The following LRCH1 variants were observed in gnomAD, a reference collection of about 807,000 sequenced individuals.
LRCH1 encodes leucine-rich repeat and calponin homology domain-containing protein 1.
Under a neutral mutation model 94.9 loss-of-function variants are expected in LRCH1, and 23 were observed. The ratio of observed to expected loss-of-function variants is 0.24; its 90% CI spans 0.17 to 0.34. LRCH1 has a LOEUF of 0.34. Ranked by LOEUF, LRCH1 falls within the 10% of genes least tolerant of loss-of-function variation. LRCH1 has a pLI of 1.00. For missense variants in LRCH1, 790 were observed against 945.9 expected (o/e 0.84, Z 2.16); for synonymous variants, 364 against 354.9 (o/e 1.03, Z -0.29).
intron 17 of LRCH1, among the ~76,000 whole-genome samples, chr13:46,724,565 G>A (rs967901812): frequency 3.9e-5 from 6 of 152,094 alleles, no homozygotes; most frequent in Admixed American, 2.0e-4. Flanking sequence ...ATTTCTTGTC[G>A]TATTTCTTAG....
At chr13:46,711,748 A>G (rs760588468) in intron 13 of LRCH1, 43 bp from the exon 14 acceptor site, 1 of 1,514,650 alleles carries the variant, frequency 6.6e-7, no homozygotes, top group Non-Finnish European at 9.1e-7. Flanking sequence ...CAACAGTTTC[A>G]CAGTCTAATG....
chr13:46,559,759 A>G (rs1398171880), intron 1 of LRCH1, among the ~76,000 whole-genome samples: 1 of 152,228 alleles, frequency 6.6e-6, no homozygotes, highest in Non-Finnish European at 1.5e-5. Flanking sequence ...AGATGACTCT[A>G]CTGGAGAGTT....
At chr13:46,567,014 C>T (rs371289122) in intron 1 of LRCH1, among the ~76,000 whole-genome samples, 1 of 152,230 alleles carries the variant, frequency 6.6e-6, no homozygotes, top group Non-Finnish European at 1.5e-5. Context: ...TATAGACACA[C>T]ATTTGGGTTT....
chr13:46,642,627 C>T lies in LRCH1; in HGVS notation c.308-7574C>T, dbSNP rs1178783005. On this transcript the variant is annotated intron_variant, in intron 1 of 19. Transcript: ENST00000389797. ...TGAGGAGTTCAGAGTAAGGATCTAA[C>T]CTAGCAATGCTTAATTCTGGATTGG... is the stretch of plus-strand genomic sequence containing the variant. Among the ~76,000 whole-genome samples, 3 of 152,182 alleles carry T rather than the reference C, an allele frequency of 2.0e-5. No homozygotes were observed. In the East Asian group the frequency reaches 5.8e-4, roughly 29 times the overall value.
chr13:46,723,416 G>A lies in LRCH1; in HGVS notation c.1869+86G>A. The A allele has an allele frequency of 5.8e-6, 6 of 1,030,972 alleles. No homozygotes were observed. The South Asian group carries it at 5.9e-5, about 10-fold the overall frequency. 63.9% of individuals were successfully genotyped at this position (1,030,972 alleles called of 1,614,324 possible). On this transcript the variant is annotated intron_variant, in intron 17 of 19. Coordinates refer to ENST00000389797, the MANE Select transcript of LRCH1 (RefSeq NM_001164211.2). Reference sequence around the variant, plus strand: ...AACAGACTTTGAAACATTGCAAGCAGTCCTAATTTCAAATCTAGCCAGGTC... The same window carrying A: ...AACAGACTTTGAAACATTGCAAGCAATCCTAATTTCAAATCTAGCCAGGTC...
intron 18 of LRCH1, among the ~76,000 whole-genome samples, chr13:46,733,260 A>G (rs1048942151): frequency 6.6e-5 from 10 of 152,200 alleles, no homozygotes; most frequent in African/African-American, 2.4e-4. Context: ...CCTGTTACCC[A>G]TCCCACACCT....
intron 1 of LRCH1, among the ~76,000 whole-genome samples, chr13:46,560,724 G>GA (rs1231872552): frequency 1.3e-5 from 2 of 151,830 alleles, no homozygotes; most frequent in Admixed American, 6.6e-5. Context: ...AGTAAGAAAA[G>GA]AAAAAAAGAA....
At chr13:46,726,046 T>C (rs4400949) in intron 17 of LRCH1, among the ~76,000 whole-genome samples, 1 of 152,244 alleles carries the variant, frequency 6.6e-6, no homozygotes, top group African/African-American at 2.4e-5. Context: ...TTATATGCAG[T>C]GTTTTTCAAG....
At chr13:46,622,899 A>G (rs1040987747) in intron 1 of LRCH1, among the ~76,000 whole-genome samples, 13 of 152,250 alleles carry the variant, frequency 8.5e-5, no homozygotes, top group African/African-American at 3.1e-4. Flanking sequence ...TAGTAATTTC[A>G]GTAGAGCAGC....
chr13:46,690,076 A>C (rs908997030), intron 7 of LRCH1, among the ~76,000 whole-genome samples: 3 of 151,458 alleles, frequency 2.0e-5, no homozygotes, highest in Non-Finnish European at 4.4e-5. Context: ...TCCAGGAAAA[A>C]AACCTTTCTC....
intron 1 of LRCH1, among the ~76,000 whole-genome samples, chr13:46,557,073 A>G (rs2050073890): frequency 6.6e-6 from 1 of 152,208 alleles, no homozygotes; most frequent in Non-Finnish European, 1.5e-5. Flanking sequence ...GCTTGTAGCA[A>G]GAGTATAAAT....
intron 1 of LRCH1, among the ~76,000 whole-genome samples, chr13:46,649,630 C>G (rs1441005675): frequency 6.6e-6 from 1 of 151,906 alleles, no homozygotes; most frequent in African/African-American, 2.4e-5. Flanking sequence ...TGGTTATTGT[C>G]TGTTATGGGT....
chr13:46,614,026 A>T (rs996184008), intron 1 of LRCH1, among the ~76,000 whole-genome samples: 4 of 152,052 alleles, frequency 2.6e-5, no homozygotes, highest in Non-Finnish European at 5.9e-5. Flanking sequence ...TTGAAAGTAT[A>T]CAACATGATA....
At chr13:46,664,260 C>G (rs920450575) in intron 2 of LRCH1, among the ~76,000 whole-genome samples, 8 of 152,138 alleles carry the variant, frequency 5.3e-5, no homozygotes, top group African/African-American at 1.9e-4. Flanking sequence ...GAGTCATACA[C>G]CACATAATGA....
rs141076219 is a variant in LRCH1, at chr13:46,573,239, T to A, written c.307+19536T>A. 1.8e-3 allele frequency among the ~76,000 whole-genome samples: 274 copies of A among 152,336 alleles called. 1 individual carries two copies. Among genetic ancestry groups the A allele is most frequent in the African/African-American group, 6.2e-3 (258 of 41,578 alleles). On this transcript the variant is annotated intron_variant, in intron 1 of 19. Coordinates refer to ENST00000389797, the MANE Select transcript of LRCH1 (RefSeq NM_001164211.2). ...TATCCTTGGTTCCTAGGACAGTGTC[T>A]GCCCATGGTAGCAGCTTAGTAAATA...
chr13:46,582,932 G>A (rs1322106657), intron 1 of LRCH1, among the ~76,000 whole-genome samples: 3 of 151,842 alleles, frequency 2.0e-5, no homozygotes, highest in African/African-American at 7.3e-5. Flanking sequence ...TGCTCTCTCA[G>A]TAAGAAAACA....
At chr13:46,671,829 C>A (rs1359012287) in intron 3 of LRCH1, among the ~76,000 whole-genome samples, 2 of 152,172 alleles carry the variant, frequency 1.3e-5, no homozygotes, top group South Asian at 2.1e-4. Context: ...TCCCACATAC[C>A]CTCTACTCCC....
intron 1 of LRCH1, among the ~76,000 whole-genome samples, chr13:46,561,390 G>T (rs1439535877): frequency 6.6e-6 from 1 of 152,178 alleles, no homozygotes; most frequent in Non-Finnish European, 1.5e-5. Flanking sequence ...GAGCCTTCTA[G>T]CTCAGTGTGT....
chr13:46,657,180 T>C (rs1362718550), intron 2 of LRCH1, among the ~76,000 whole-genome samples: 2 of 152,044 alleles, frequency 1.3e-5, no homozygotes, highest in African/African-American at 4.8e-5. Context: ...TTTTGTTGTA[T>C]ATATTATTTT....
Sources: allele counts gnomAD v4.1 joint callset (sites outside exome capture counted in the v4.1 genomes callset), GRCh38; gene constraint gnomAD v4.1.1; transcripts MANE v1.5; gene names NCBI Gene and HGNC (gene_info 2026-07-23, HGNC 2026-07-21).